The following FAM124A variants were observed in gnomAD, a reference collection of about 807,000 sequenced individuals.
FAM124A encodes the protein protein FAM124A.
A neutral mutation model predicts 24.5 loss-of-function variants in FAM124A; 23 were observed. The ratio of observed to expected loss-of-function variants is 0.94; its 90% CI spans 0.68 to 1.33. The LOEUF (loss-of-function observed/expected upper bound fraction) is 1.33, where lower values mean the gene tolerates loss of function less well. FAM124A is among the 40% of genes most tolerant of loss of function. FAM124A has a pLI of 0.00. For synonymous variants in FAM124A, 287 were observed against 314.7 expected, an observed-to-expected ratio of 0.91 and a Z score of 0.93; for missense variants, 623 against 722.8, an observed-to-expected ratio of 0.86 and a Z score of 1.58.
Position 51,281,681 on chromosome 13 carries a change from G to T in FAM124A, c.*425G>T. 1 of 159,930 alleles carries T rather than the reference G, an allele frequency of 6.3e-6. No individual in the cohort carries two copies. Among genetic ancestry groups the T allele is most frequent in the Non-Finnish European group, 1.4e-5 (1 of 73,570 alleles). 9.9% of individuals were successfully genotyped at this position (159,930 alleles called of 1,614,324 possible). A position where few individuals can be genotyped will look rare whatever the true frequency, so the allele number is the denominator to read the frequency against. On this transcript the variant is annotated 3_prime_UTR_variant, in exon 4 of 4. Transcript: ENST00000322475. ...GAGAGATAGTAAGTGACTTGTATGA[G>T]GGATTACTGCATAATAACGTAACGC... is the stretch of plus-strand genomic sequence containing the variant.
chr13:51,276,133 C>A (rs930767250), intron 3 of FAM124A, among the ~76,000 whole-genome samples: 1 of 152,154 alleles, frequency 6.6e-6, no homozygotes, highest in Non-Finnish European at 1.5e-5. Context: ...TCTTGTAGAG[C>A]TTGCCAAGGA....
chr13:51,280,178 G>C (rs1322836588), intron 3 of FAM124A, among the ~76,000 whole-genome samples: 2 of 152,122 alleles, frequency 1.3e-5, no homozygotes, highest in African/African-American at 4.8e-5. Flanking sequence ...GAGCGCAATG[G>C]GCATGTGTGC....
intron 2 of FAM124A, among the ~76,000 whole-genome samples, chr13:51,247,804 T>A (rs1443488526): frequency 6.6e-6 from 1 of 152,134 alleles, no homozygotes. Context: ...TGGTATTTTC[T>A]CCTACTTTTA....
intron 3 of FAM124A, among the ~76,000 whole-genome samples, chr13:51,257,427 C>G (rs961242385): frequency 2.0e-5 from 3 of 152,146 alleles, no homozygotes; most frequent in African/African-American, 7.2e-5. Flanking sequence ...AAGAGTGGAG[C>G]AGACACTTAG....
At chr13:51,237,115 A>C (rs145289756) in intron 2 of FAM124A, among the ~76,000 whole-genome samples, 170 of 152,336 alleles carry the variant, frequency 1.1e-3, no homozygotes, top group African/African-American at 4.0e-3. Flanking sequence ...AGTCACCAAT[A>C]TTCTCTAAAT....
At chr13:51,262,563 T>G (rs1954747176) in intron 3 of FAM124A, among the ~76,000 whole-genome samples, 1 of 152,224 alleles carries the variant, frequency 6.6e-6, no homozygotes, top group African/African-American at 2.4e-5. Flanking sequence ...AAGAACAATT[T>G]GCTAAATGGG....
At chr13:51,228,988 A>G (rs1379688083) in intron 1 of FAM124A, among the ~76,000 whole-genome samples, 1 of 152,264 alleles carries the variant, frequency 6.6e-6, no homozygotes, top group Non-Finnish European at 1.5e-5. Context: ...TTAAAATGAT[A>G]ATTACAGGAA....
chr13:51,225,661 G>A (rs1954308155), intron 1 of FAM124A, among the ~76,000 whole-genome samples: 1 of 152,112 alleles, frequency 6.6e-6, no homozygotes, highest in Non-Finnish European at 1.5e-5. Flanking sequence ...GATGAGGAAC[G>A]CTAAATGTCT....
intron 3 of FAM124A, among the ~76,000 whole-genome samples, chr13:51,255,495 C>A (rs560657186): frequency 5.3e-5 from 8 of 152,282 alleles, no homozygotes; most frequent in Non-Finnish European, 1.0e-4. Flanking sequence ...CCAAAGTTGA[C>A]TTTGAGTTCT....
intron 3 of FAM124A, among the ~76,000 whole-genome samples, chr13:51,279,262 G>T (rs1328015248): frequency 6.6e-6 from 1 of 151,994 alleles, no homozygotes; most frequent in Non-Finnish European, 1.5e-5. Flanking sequence ...AAGAAAATTG[G>T]TTTGTTTCCC....
chr13:51,235,401 C>G (rs1954425569), intron 2 of FAM124A, among the ~76,000 whole-genome samples: 1 of 152,122 alleles, frequency 6.6e-6, no homozygotes, highest in African/African-American at 2.4e-5. Context: ...AAAAAAGCAA[C>G]TCTGCCACGT....
At chr13:51,231,642 A>G (rs1954378026) in intron 2 of FAM124A, among the ~76,000 whole-genome samples, 1 of 152,208 alleles carries the variant, frequency 6.6e-6, no homozygotes, top group Admixed American at 6.5e-5. Context: ...TCTCTGAAGA[A>G]TCTGAGGTAG....
intron 3 of FAM124A, among the ~76,000 whole-genome samples, chr13:51,261,512 A>G (rs927049965): frequency 5.3e-5 from 8 of 152,192 alleles, no homozygotes; most frequent in African/African-American, 1.9e-4. Context: ...TTGCCTTTTC[A>G]GCCCTGAGAG....
At chr13:51,234,764 C>T (rs2137653437) in intron 2 of FAM124A, among the ~76,000 whole-genome samples, 1 of 152,228 alleles carries the variant, frequency 6.6e-6, no homozygotes, top group South Asian at 2.1e-4. Context: ...GCCTGGGCAT[C>T]CTCTCTCGTG....
intron 3 of FAM124A, among the ~76,000 whole-genome samples, chr13:51,255,201 T>C (rs1954662830): frequency 6.6e-6 from 1 of 152,092 alleles, no homozygotes; most frequent in Non-Finnish European, 1.5e-5. Context: ...AGATTAGTGA[T>C]GACAATTAGA....
intron 2 of FAM124A, among the ~76,000 whole-genome samples, chr13:51,237,776 G>T (rs1348148031): frequency 1.5e-5 from 2 of 133,784 alleles, no homozygotes; most frequent in Non-Finnish European, 3.6e-5. Flanking sequence ...TGTATTCCAG[G>T]CATGGGGCAT....
chr13:51,229,582 C>G (rs1954352472), intron 1 of FAM124A, among the ~76,000 whole-genome samples: 1 of 152,112 alleles, frequency 6.6e-6, no homozygotes, highest in African/African-American at 2.4e-5. Context: ...TTGGAAAATC[C>G]TAGCTGAAAA....
At chr13:51,265,512 G>T (rs1464067171) in intron 3 of FAM124A, among the ~76,000 whole-genome samples, 1 of 152,082 alleles carries the variant, frequency 6.6e-6, no homozygotes, top group Non-Finnish European at 1.5e-5. Flanking sequence ...ATACAATGCT[G>T]CAGGGAAGGG....
Position 51,258,983 on chromosome 13 carries a change from C to T in FAM124A, c.834+6782C>T, listed in dbSNP as rs889748190. Among the ~76,000 whole-genome samples, 5 of 152,150 alleles carry T rather than the reference C, an allele frequency of 3.3e-5. No individual in the cohort carries two copies. The East Asian group carries it at 5.8e-4, about 18-fold the overall frequency. On this transcript the variant is annotated intron_variant, in intron 3 of 3. Transcript: ENST00000322475. This position sits in a 1 kb window ranked among gnomAD's most constrained non-coding sequence, Gnocchi z 4.2. ...AGAAGGCACAATGGCCTGGGCAGGA[C>T]GGGGCCGGGGCAGCCGTCAGGGTTC...
Sources: gnomAD v4.1 joint callset for allele counts (sites outside exome capture counted in the v4.1 genomes callset) on GRCh38, gnomAD v4.1.1 for gene constraint, Gnocchi (gnomAD v3.1) non-coding constraint, MANE v1.5 for transcripts, NCBI Gene and HGNC (gene_info 2026-07-23, HGNC 2026-07-21) for gene names.